Variants in LARP1 observed in about 807,000 individuals in gnomAD.
LARP1 encodes the protein la-related protein 1.
In LARP1, 36 loss-of-function variants were observed where a neutral mutation model predicts 122.7. That is an observed-to-expected ratio of 0.29 (90% CI 0.22 to 0.39). The LOEUF (loss-of-function observed/expected upper bound fraction) is 0.39, where lower values mean the gene tolerates loss of function less well. Among genes scored for constraint, LARP1 ranks in the 10% least tolerant of loss-of-function variants. LARP1 has a pLI of 1.00. For missense variants in LARP1, 1,040 were observed against 1,403.6 expected (o/e 0.74, Z 4.14); for synonymous variants, 539 against 528.7 (o/e 1.02, Z -0.27).
At chr5:154,685,936 G>C (rs4958759) in intron 1 of LARP1, 345,397 of 477,546 alleles carry the variant, frequency 0.72, 126,162 homozygotes, top group African/African-American at 0.88. Context: ...TCGTGATTCG[G>C]TTAATCCTCC....
intron 1 of LARP1, among the ~76,000 whole-genome samples, chr5:154,741,122 G>T (rs1381507022): frequency 1.3e-5 from 2 of 152,188 alleles, no homozygotes; most frequent in Non-Finnish European, 2.9e-5. Context: ...GGTGTTTGTT[G>T]CTTGATTAAA....
At chr5:154,794,699 GC>G (rs1582434563) in intron 7 of LARP1, among the ~76,000 whole-genome samples, 1 of 152,110 alleles carries the variant, frequency 6.6e-6, no homozygotes, top group East Asian at 1.9e-4. Context: ...AAGCAAACCG[GC>G]CCAGTAATTT....
intron 1 of LARP1, among the ~76,000 whole-genome samples, chr5:154,703,133 A>G (rs1754797491): frequency 6.7e-6 from 1 of 149,866 alleles, no homozygotes; most frequent in African/African-American, 2.5e-5. Context: ...AAAAAAAAAA[A>G]AAAAAAAAAA....
At chr5:154,730,541 C>T (rs377704971) in intron 1 of LARP1, among the ~76,000 whole-genome samples, 7 of 151,924 alleles carry the variant, frequency 4.6e-5, no homozygotes, top group Admixed American at 2.0e-4. Flanking sequence ...GGCGCAATCT[C>T]GGCTCACTGC....
At chr5:154,764,841 G>A (rs1282999294) in intron 1 of LARP1, among the ~76,000 whole-genome samples, 9 of 150,082 alleles carry the variant, frequency 6.0e-5, no homozygotes, top group African/African-American at 2.2e-4. Context: ...GGAGGCAGAG[G>A]TTGCAGTGAG....
At chr5:154,718,982 C>G (rs1755689321) in intron 1 of LARP1, among the ~76,000 whole-genome samples, 1 of 152,144 alleles carries the variant, frequency 6.6e-6, no homozygotes, top group African/African-American at 2.4e-5. Flanking sequence ...GAAGTAGATC[C>G]AGAAGCAGGG....
At chr5:154,766,720 G>T (rs1399589617) in intron 1 of LARP1, among the ~76,000 whole-genome samples, 1 of 152,170 alleles carries the variant, frequency 6.6e-6, no homozygotes, top group Non-Finnish European at 1.5e-5. Flanking sequence ...CCATCAGCTG[G>T]TTTTACAGCT....
intron 1 of LARP1, among the ~76,000 whole-genome samples, chr5:154,740,117 C>G (rs973259033): frequency 3.4e-5 from 5 of 146,276 alleles, no homozygotes; most frequent in Non-Finnish European, 6.0e-5. Flanking sequence ...AATAGCTGGG[C>G]GCGGTGGCTC....
intron 14 of LARP1, 46 bp downstream of exon 14, chr5:154,804,353 G>A (rs913572437): frequency 1.5e-6 from 2 of 1,373,658 alleles, no homozygotes; most frequent in Admixed American, 1.7e-5. Context: ...CCTATGGGAT[G>A]GGTGGGCGAG....
At chr5:154,686,646 C>T (rs935597336) in intron 1 of LARP1, among the ~76,000 whole-genome samples, 9 of 152,168 alleles carry the variant, frequency 5.9e-5, no homozygotes, top group African/African-American at 2.2e-4. Flanking sequence ...CAGTTTGCCA[C>T]AGTCCTTACC....
In LARP1 at chr5:154,802,432, C is replaced by G. The variant is rs772984991; in HGVS notation, c.2109+33C>G. The stretch of plus-strand genomic sequence containing the variant: ...TTGGACATAGCAGTGAGTGTGGAGC[C>G]TGGTGTGCCTGTATTGTACGGAGAA... On this transcript the variant is annotated intron_variant, in intron 11 of 18. Coordinates refer to ENST00000518297, the MANE Select transcript of LARP1 (RefSeq NM_033551.3). The surrounding 1 kb of genome is among the most constrained non-coding windows in gnomAD (Gnocchi z 5.1). The G allele has an allele frequency of 1.3e-6, 2 of 1,552,954 alleles. No homozygotes were observed. The highest frequency in any genetic ancestry group is 2.7e-5 in the African/African-American group (2 of 73,248).
chr5:154,724,666 ATT>A (rs199755292), intron 1 of LARP1, among the ~76,000 whole-genome samples: 48 of 144,570 alleles, frequency 3.3e-4, no homozygotes, highest in African/African-American at 5.1e-4. Context: ...TTCACTGGGA[ATT>A]TTTTTTTTTT....
intron 1 of LARP1, among the ~76,000 whole-genome samples, chr5:154,728,129 A>G (rs573741785): frequency 2.0e-4 from 31 of 152,304 alleles, no homozygotes; most frequent in African/African-American, 7.0e-4. Flanking sequence ...AAGTTGTAAT[A>G]TAAGTATGAA....
chr5:154,798,436 A>C (rs566621663), intron 8 of LARP1, among the ~76,000 whole-genome samples: 2 of 152,372 alleles, frequency 1.3e-5, no homozygotes, highest in South Asian at 4.1e-4. Flanking sequence ...TAATAGAAAG[A>C]TATTCCTCAT....
In LARP1 at chr5:154,814,039, C is replaced by T; in HGVS notation, c.3234C>T (p.Val1078=). 1 of 1,614,166 alleles carries T rather than the reference C, an allele frequency of 6.2e-7. No homozygotes were observed. The highest frequency in any genetic ancestry group is 1.1e-5 in the South Asian group (1 of 91,084). ...CTACACCACCCACCGGCCAGCCTGT[C>T]CGGGAAGATGCCAAATGGACAAGCC... The part of the protein sequence containing the change: ...QPPTPPTGQP[V]REDAKWTSQH... Residue 1078 remains valine (V), a synonymous_variant, in exon 19 of 19, where the codon GTC becomes GTT. Coordinates refer to ENST00000518297, the MANE Select transcript of LARP1 (RefSeq NM_033551.3).
chr5:154,805,568 T>A (rs1034188690), intron 14 of LARP1, among the ~76,000 whole-genome samples: 2 of 152,230 alleles, frequency 1.3e-5, no homozygotes, highest in Non-Finnish European at 2.9e-5. Context: ...AAAGGTTAAA[T>A]GCTTAAAGTT....
intron 15 of LARP1, among the ~76,000 whole-genome samples, chr5:154,806,260 C>T (rs1390304270): frequency 1.3e-5 from 2 of 152,134 alleles, no homozygotes; most frequent in Non-Finnish European, 2.9e-5. Context: ...TTTGATCTTC[C>T]TCTATTGATT....
chr5:154,740,996 T>G (rs1372772249), intron 1 of LARP1, among the ~76,000 whole-genome samples: 1 of 152,180 alleles, frequency 6.6e-6, no homozygotes, highest in Non-Finnish European at 1.5e-5. Flanking sequence ...TCAGGGGCAC[T>G]GGGATCAAGT....
At chr5:154,693,865 A>G (rs954544251) in intron 1 of LARP1, among the ~76,000 whole-genome samples, 42 of 150,660 alleles carry the variant, frequency 2.8e-4, no homozygotes, top group Non-Finnish European at 4.4e-5. Context: ...AAAAAAAAAA[A>G]AAAAAAAGAA....
Sources: allele counts gnomAD v4.1 joint callset (sites outside exome capture counted in the v4.1 genomes callset), GRCh38; gene constraint gnomAD v4.1.1; non-coding constraint Gnocchi (gnomAD v3.1); transcripts MANE v1.5; gene names NCBI Gene and HGNC (gene_info 2026-07-23, HGNC 2026-07-21).